Variants in VPS8 observed in about 807,000 individuals in gnomAD.
VPS8 encodes the protein VPS8 subunit of CORVET complex, also known as vacuolar protein sorting-associated protein 8 homolog.
In VPS8, 129 loss-of-function variants were observed where a neutral mutation model predicts 216.4. The observed-to-expected ratio is 0.60, with a 90% CI of 0.52 to 0.69. The LOEUF is 0.69. VPS8 is among the 30% of genes least tolerant of loss of function. The pLI is 0.00. For missense variants in VPS8, 1,531 were observed against 1,683.5 expected, an observed-to-expected ratio of 0.91 and a Z score of 1.59; for synonymous variants, 571 against 565.4, an observed-to-expected ratio of 1.01 and a Z score of -0.14.
intron 42 of VPS8, among the ~76,000 whole-genome samples, chr3:184,987,473 G>A (rs902408695): frequency 6.6e-6 from 1 of 151,940 alleles, no homozygotes; most frequent in South Asian, 2.1e-4. Context: ...CATATAGTTG[G>A]AATCATAGAG....
At chr3:184,859,868 A>T in intron 14 of VPS8, 117 bp from the exon 15 acceptor site, 1 of 645,256 alleles carries the variant, frequency 1.5e-6, no homozygotes, top group South Asian at 2.4e-5. Context: ...TTTTTGGCTT[A>T]TCTACAGGGA....
In VPS8 at chr3:184,832,790, A is replaced by G. The variant is rs1205497964; in HGVS notation, c.324A>G (p.Ser108=). Residue 108 remains serine (S), a synonymous_variant, in exon 4 of 48, where the codon TCA becomes TCG. Transcript: ENST00000625842. The part of the protein sequence containing the change: ...HSYDTSSVAS[S]DSGDRTNLKR... ...ATGATACTTCATCTGTGGCAAGCTC[A>G]GATAGTGGTGACAGGACCAACTTAA... 3 of 1,609,984 alleles carry G rather than the reference A, an allele frequency of 1.9e-6. No homozygotes were observed. The highest frequency in any genetic ancestry group is 2.5e-6 in the Non-Finnish European group (3 of 1,177,804).
At chr3:184,851,799 G>A (rs1429462379) in intron 10 of VPS8, among the ~76,000 whole-genome samples, 1 of 152,188 alleles carries the variant, frequency 6.6e-6, no homozygotes, top group Non-Finnish European at 1.5e-5. Context: ...ACTAACCTTT[G>A]AGTTTAGGGA....
chr3:184,879,903 A>C (rs1434175474), intron 21 of VPS8, among the ~76,000 whole-genome samples: 1 of 152,180 alleles, frequency 6.6e-6, no homozygotes, highest in Non-Finnish European at 1.5e-5. Context: ...CAAAGCTTAA[A>C]ATATGGAAAT....
chr3:184,936,323 TA>T lies in VPS8; in HGVS notation c.2982del (p.Lys994AsnfsTer12). 1.2e-6 allele frequency: 2 copies of T among 1,610,004 alleles called. No individual in the cohort carries two copies. The highest frequency in any genetic ancestry group is 1.7e-6 in the Non-Finnish European group (2 of 1,178,048). On this transcript the variant is annotated frameshift_variant, in exon 35 of 48. Coordinates refer to ENST00000625842, the MANE Select transcript of VPS8 (RefSeq NM_001009921.3). LOFTEE classifies it high-confidence loss of function. ...TTTCTGGACATATTGAAACGGTCAT[TA>T]AAAAACTTCAGGTACATATTGCAAA... ...HFSGHIETVIKKLQNQVLLFK... is the reference protein window; with the variant it reads ...HFSGHIETVIXKLQNQVLLFK...
chr3:185,024,289 T>G, intron 45 of VPS8, 47 bp from the exon 46 acceptor site: 1 of 1,526,810 alleles, frequency 6.5e-7, no homozygotes, highest in Non-Finnish European at 8.9e-7. Flanking sequence ...CAGACAAAAC[T>G]AGACTATAAC....
intron 46 of VPS8, among the ~76,000 whole-genome samples, chr3:185,044,145 G>A (rs550563289): frequency 4.4e-4 from 67 of 152,266 alleles, no homozygotes; most frequent in African/African-American, 1.5e-3. Flanking sequence ...AGCTGATATC[G>A]TGCCACTGCA....
chr3:185,021,027 G>A (rs948522847), intron 45 of VPS8, among the ~76,000 whole-genome samples: 8 of 152,038 alleles, frequency 5.3e-5, no homozygotes, highest in Non-Finnish European at 1.0e-4. Flanking sequence ...AGCTGAGATC[G>A]TGCCATTGCA....
intron 21 of VPS8, 75 bp from the exon 22 acceptor site, chr3:184,886,035 A>T: frequency 6.7e-7 from 1 of 1,492,602 alleles, no homozygotes; most frequent in Non-Finnish European, 9.2e-7. Context: ...AAAGCATCTT[A>T]AGCAGACCTG....
At chr3:184,849,687 C>T in intron 9 of VPS8, 1 of 471,268 alleles carries the variant, frequency 2.1e-6, no homozygotes, top group Non-Finnish European at 3.7e-6. Context: ...TATCTTTTGT[C>T]TCTCAGTATG....
chr3:184,976,420 T>TC (rs1415541136), intron 40 of VPS8, among the ~76,000 whole-genome samples: 1 of 152,070 alleles, frequency 6.6e-6, no homozygotes, highest in Non-Finnish European at 1.5e-5. Context: ...TGCTCTTTCT[T>TC]CCCCCCAACT....
intron 25 of VPS8, among the ~76,000 whole-genome samples, chr3:184,912,798 G>T (rs1053948900): frequency 3.3e-5 from 5 of 152,178 alleles, no homozygotes; most frequent in African/African-American, 9.7e-5. Context: ...CTTGCATTAT[G>T]TCCAGTATTC....
At chr3:184,954,616 A>T (rs570708774) in intron 36 of VPS8, among the ~76,000 whole-genome samples, 3 of 152,306 alleles carry the variant, frequency 2.0e-5, no homozygotes, top group African/African-American at 7.2e-5. Context: ...CCCTAGATTT[A>T]TCATGGGCTG....
chr3:184,976,069 TC>T (rs1749216923), intron 40 of VPS8, among the ~76,000 whole-genome samples: 1 of 152,140 alleles, frequency 6.6e-6, no homozygotes, highest in African/African-American at 2.4e-5. Context: ...AATGTTTAGC[TC>T]CCATTGTAAT....
At chr3:185,037,519 C>T (rs551536565) in intron 46 of VPS8, among the ~76,000 whole-genome samples, 78 of 152,170 alleles carry the variant, frequency 5.1e-4, no homozygotes, top group African/African-American at 1.8e-3. Flanking sequence ...TTTCAATGAA[C>T]GTAGGACATT....
chr3:184,981,035 G>T (rs2109740135), intron 40 of VPS8, among the ~76,000 whole-genome samples: 1 of 152,260 alleles, frequency 6.6e-6, no homozygotes, highest in Non-Finnish European at 1.5e-5. Flanking sequence ...TATAATGTGG[G>T]GTCAGTCAAC....
intron 25 of VPS8, among the ~76,000 whole-genome samples, chr3:184,907,900 G>T (rs756624353): frequency 6.6e-6 from 1 of 152,162 alleles, no homozygotes; most frequent in Non-Finnish European, 1.5e-5. Flanking sequence ...TCAGCCATGG[G>T]TTATAAATTA....
In VPS8 at chr3:184,838,662, C is replaced by A. The variant is rs1012325198; in HGVS notation, c.448-52C>A. On this transcript the variant is annotated intron_variant, in intron 5 of 47. Coordinates refer to ENST00000625842, the MANE Select transcript of VPS8 (RefSeq NM_001009921.3). Reference sequence around the variant, plus strand: ...TAAAGCAAGAGCCATATACCATTTTCTGTTTTAAAATGAGAATATTTTTCA... The same window carrying A: ...TAAAGCAAGAGCCATATACCATTTTATGTTTTAAAATGAGAATATTTTTCA... 7.0e-6 allele frequency: 10 copies of A among 1,430,992 alleles called. No homozygotes were observed. The African/African-American group carries it at 1.3e-4, about 19-fold the overall frequency. 88.6% of individuals were successfully genotyped at this position (1,430,992 alleles called of 1,614,324 possible).
intron 40 of VPS8, among the ~76,000 whole-genome samples, chr3:184,975,674 T>C (rs116118467): frequency 1.6e-3 from 249 of 152,276 alleles, no homozygotes; most frequent in African/African-American, 5.7e-3. Flanking sequence ...TGGTATGATG[T>C]TAGCTGTGGG....
Sources: allele counts gnomAD v4.1 joint callset (sites outside exome capture counted in the v4.1 genomes callset), GRCh38; gene constraint gnomAD v4.1.1; transcripts MANE v1.5; gene names NCBI Gene and HGNC (gene_info 2026-07-23, HGNC 2026-07-21).